The following BRCA2 variants were observed in gnomAD, a reference collection of about 807,000 sequenced individuals.
BRCA2 encodes BRCA2 DNA repair associated.
In BRCA2, 203 loss-of-function variants were observed where a neutral mutation model predicts 276.7. That is an observed-to-expected ratio of 0.73 (90% CI 0.65 to 0.82). The LOEUF is 0.82. Among genes scored for constraint, BRCA2 ranks in the 40% least tolerant of loss-of-function variants. The probability of loss-of-function intolerance (pLI) is 0.00; values close to 1 mark genes in which losing one functional copy is unlikely to be tolerated. For synonymous variants in BRCA2, 1,289 were observed against 1,338.4 expected, an observed-to-expected ratio of 0.96 and a Z score of 0.81; for missense variants, 3,920 against 3,915.0, an observed-to-expected ratio of 1.00 and a Z score of -0.03.
In BRCA2 at chr13:32,340,424, C is replaced by T. The variant is rs2072545456; in HGVS notation, c.6069C>T (p.Asp2023=). ...KVLFKSNEHS[D]QLTREENTAI... ...TGTTTAAAAGTAACGAACATTCAGACCAGCTCACAAGAGAAGAAAATACTG... is the reference window on the plus strand; with the variant it reads ...TGTTTAAAAGTAACGAACATTCAGATCAGCTCACAAGAGAAGAAAATACTG... Residue 2023 remains aspartate (D), a synonymous_variant, in exon 11 of 27, where the codon GAC becomes GAT. Coordinates refer to ENST00000380152, the MANE Select transcript of BRCA2 (RefSeq NM_000059.4). 1 of 1,613,692 alleles carries T rather than the reference C, an allele frequency of 6.2e-7. No homozygotes were observed. Among genetic ancestry groups the T allele is most frequent in the Non-Finnish European group, 8.5e-7 (1 of 1,179,724 alleles).
chr13:32,397,071 T>C (rs2073042431), intron 26 of BRCA2, 27 bp downstream of exon 26: 1 of 1,605,670 alleles, frequency 6.2e-7, no homozygotes, highest in African/African-American at 1.3e-5. Flanking sequence ...TCAAGGAATA[T>C]TATAAGAAGT....
In BRCA2 at chr13:32,357,752, A is replaced by G. The variant is rs431825354; in HGVS notation, c.7628A>G (p.Tyr2543Cys). 1.9e-5 allele frequency: 30 copies of G among 1,612,100 alleles called. No homozygotes were observed. In the South Asian group the frequency reaches 2.2e-4, roughly 12 times the overall value. Residue 2543 changes from tyrosine to cysteine, a missense_variant, in exon 16 of 27, where the codon TAT (tyrosine) becomes TGT (cysteine). Transcript: ENST00000380152. ...SACSHKQLYTYGVSKHCIKIN... is the reference protein window; with the variant it reads ...SACSHKQLYTCGVSKHCIKIN... Reference sequence around the variant, plus strand: ...GTTTATTTTGTGTAGCTGTATACGTATGGCGTTTCTAAACATTGCATAAAA... The same window carrying G: ...GTTTATTTTGTGTAGCTGTATACGTGTGGCGTTTCTAAACATTGCATAAAA...
chr13:32,348,401 T>A (rs2072625387), intron 13 of BRCA2, among the ~76,000 whole-genome samples: 1 of 152,106 alleles, frequency 6.6e-6, no homozygotes, highest in African/African-American at 2.4e-5. Flanking sequence ...CCTTGTGAAT[T>A]TTTAGAATAA....
At position 32,385,702 on chromosome 13, in the gene BRCA2, A is replaced by C. The variant is rs2238163; in HGVS notation, c.9256+5557A>C. ...AAAGCCCACATTTGAGGTTGCCTATATAGAACTGGCAGGAAAGTATATAGA... is the reference window on the plus strand; with the variant it reads ...AAAGCCCACATTTGAGGTTGCCTATCTAGAACTGGCAGGAAAGTATATAGA... On this transcript the variant is annotated intron_variant, in intron 24 of 26. Transcript: ENST00000380152. 0.52 allele frequency: 102,532 copies of C among 195,738 alleles called. 26,918 individuals are homozygous for C. Among genetic ancestry groups the C allele is most frequent in the East Asian group, 0.58 (3,878 of 6,658 alleles). 12.1% of individuals were successfully genotyped at this position (195,738 alleles called of 1,614,324 possible).
intron 20 of BRCA2, among the ~76,000 whole-genome samples, chr13:32,371,987 A>G (rs530759959): frequency 5.9e-5 from 9 of 152,352 alleles, no homozygotes; most frequent in African/African-American, 9.6e-5. Context: ...TCTTTCCTCA[A>G]TGTTGATGCC....
In BRCA2 at chr13:32,339,439, A is replaced by G. The variant is rs397507347; in HGVS notation, c.5084A>G (p.Glu1695Gly). The G allele has an allele frequency of 6.3e-7, 1 of 1,591,548 alleles. No individual in the cohort carries two copies. Among genetic ancestry groups the G allele is most frequent in the Non-Finnish European group, 8.5e-7 (1 of 1,170,568 alleles). ...SLLEAKKWLR[E>G]GIFDGQPERI... is the part of the protein sequence containing the mutation. ...CTTGAAGCAAAAAAATGGCTTAGAGAAGGAATATTTGATGGTCAACCAGAA... is the reference window on the plus strand; with the variant it reads ...CTTGAAGCAAAAAAATGGCTTAGAGGAGGAATATTTGATGGTCAACCAGAA... Residue 1695 changes from glutamate (E) to glycine (G), a missense_variant, in exon 11 of 27, where the codon GAA becomes GGA. Transcript: ENST00000380152.
chr13:32,395,952 C>CTTTT, intron 25 of BRCA2: 1 of 117,204 alleles, frequency 8.5e-6, no homozygotes, highest in Non-Finnish European at 1.5e-5. Context: ...TTCTTTTTTT[C>CTTTT]TTTCTTTCTT....
At chr13:32,347,851 A>G (rs1277894195) in intron 13 of BRCA2, among the ~76,000 whole-genome samples, 1 of 152,216 alleles carries the variant, frequency 6.6e-6, no homozygotes, top group Non-Finnish European at 1.5e-5. Context: ...TTAACTGTTG[A>G]CATGCACAGA....
In BRCA2 at chr13:32,356,483, G is replaced by A. The variant is rs786203092; in HGVS notation, c.7491G>A (p.Lys2497=). 6.2e-6 allele frequency: 10 copies of A among 1,614,146 alleles called. No individual in the cohort carries two copies. The Middle Eastern group carries it at 1.2e-3, about 186-fold the overall frequency. ...ATATACAGGATATGCGAATTAAGAA[G>A]AAACAAAGGCAACGCGTCTTTCCAC... ...ARDIQDMRIK[K]KQRQRVFPQP... is the part of the protein sequence containing the mutation. Residue 2497 remains lysine (K), a synonymous_variant, in exon 15 of 27, where the codon AAG becomes AAA. Coordinates refer to ENST00000380152, the MANE Select transcript of BRCA2 (RefSeq NM_000059.4).
chr13:32,392,303 C>T (rs2073002267), intron 24 of BRCA2, among the ~76,000 whole-genome samples: 1 of 152,200 alleles, frequency 6.6e-6, no homozygotes, highest in Admixed American at 6.5e-5. Flanking sequence ...CTTAGTGCCT[C>T]TTCCAACTCC....
Position 32,339,239 on chromosome 13 carries a change from A to G in BRCA2, c.4884A>G (p.Lys1628=), listed in dbSNP as rs2072514968. 6.2e-7 allele frequency: 1 copy of G among 1,613,322 alleles called. No homozygotes were observed. Among genetic ancestry groups the G allele is most frequent in the East Asian group, 2.2e-5 (1 of 44,874 alleles). ...DNLCRQTENL[K]TSKSIFLKVK... ...TATGTAGACAAACTGAAAATCTCAA[A>G]ACATCAAAAAGTATCTTTTTGAAAG... Residue 1628 remains lysine, a synonymous_variant, in exon 11 of 27, where the codon AAA becomes AAG. Transcript: ENST00000380152.
At chr13:32,353,362 A>C (rs934967413) in intron 13 of BRCA2, among the ~76,000 whole-genome samples, 4 of 152,186 alleles carry the variant, frequency 2.6e-5, no homozygotes, top group Non-Finnish European at 5.9e-5. Context: ...CTCAATACAC[A>C]GTGAATTCTC....
In BRCA2 at chr13:32,355,164, T is replaced by A. The variant is rs1131692103; in HGVS notation, c.7311T>A (p.Ile2437=). 1.2e-6 allele frequency: 2 copies of A among 1,613,892 alleles called. No individual in the cohort carries two copies. The highest frequency in any genetic ancestry group is 1.7e-6 in the Non-Finnish European group (2 of 1,179,874). ...AGGAAAACAGACAAAAGCAAAACATTGATGGACATGGCTCTGATGATAGTA... is the reference window on the plus strand; with the variant it reads ...AGGAAAACAGACAAAAGCAAAACATAGATGGACATGGCTCTGATGATAGTA... The part of the protein sequence containing the change: ...NLEENRQKQN[I]DGHGSDDSKN... Residue 2437 remains isoleucine, a synonymous_variant, in exon 14 of 27, where the codon ATT becomes ATA. Transcript: ENST00000380152.
intron 16 of BRCA2, among the ~76,000 whole-genome samples, chr13:32,360,609 C>T (rs192547021): frequency 2.0e-5 from 3 of 152,304 alleles, no homozygotes; most frequent in Non-Finnish European, 2.9e-5. Context: ...CCACCCTCCT[C>T]GGCCTCCCAA....
At chr13:32,333,853 T>C (rs185144312) in intron 10 of BRCA2, among the ~76,000 whole-genome samples, 97 of 152,308 alleles carry the variant, frequency 6.4e-4, no homozygotes, top group Non-Finnish European at 1.0e-4. Flanking sequence ...CTCCCACTTA[T>C]GAGTGAGAAC....
intron 20 of BRCA2, among the ~76,000 whole-genome samples, chr13:32,375,900 A>T (rs1028922741): frequency 1.3e-5 from 2 of 151,692 alleles, no homozygotes; most frequent in African/African-American, 4.8e-5. Flanking sequence ...AGTTGAAATG[A>T]CTCCATGATC....
rs181176701 is a variant in BRCA2 at position 32,362,728 on chromosome 13, C to A, written c.7976+35C>A. 1.8e-4 allele frequency: 290 copies of A among 1,607,822 alleles called. 1 individual carries two copies. The Middle Eastern group carries it at 7.1e-3, about 39-fold the overall frequency. ...AAGCATTACATTACGTAATCATATA[C>A]GGCAGTATGGTTAAGGTTTCTGTGT... On this transcript the variant is annotated intron_variant, in intron 17 of 26. Transcript: ENST00000380152.
rs730881591 is a variant in BRCA2 at position 32,340,055 on chromosome 13, A to C, written c.5700A>C (p.Ser1900=). ...GTTGTTACGAGGCATTGGATGATTC[A>C]GAGGATATTCTTCATAACTCTCTAG... ...MAGCYEALDD[S]EDILHNSLDN... The change falls in exon 11 of 27, where the codon TCA becomes TCC. Residue 1900 remains serine (S), a synonymous_variant. Coordinates refer to ENST00000380152, the MANE Select transcript of BRCA2 (RefSeq NM_000059.4). 1 of 1,613,806 alleles carries C rather than the reference A, an allele frequency of 6.2e-7. No individual in the cohort carries two copies. The highest frequency in any genetic ancestry group is 1.1e-5 in the South Asian group (1 of 91,058).
At position 32,379,370 on chromosome 13, in the gene BRCA2, G is replaced by C. The variant is rs80359138; in HGVS notation, c.8808G>C (p.Leu2936Phe). Residue 2936 changes from leucine to phenylalanine, a missense_variant, in exon 22 of 27, where the codon TTG (leucine) becomes TTC (phenylalanine). Coordinates refer to ENST00000380152, the MANE Select transcript of BRCA2 (RefSeq NM_000059.4). The stretch of plus-strand genomic sequence containing the variant: ...CCTTGAATAATCACAGGCAAATGTT[G>C]AATGATAAGAAACAAGCTCAGATCC... ...LRALNNHRQM[L>F]NDKKQAQIQL... is the part of the protein sequence containing the mutation. 6.2e-7 allele frequency: 1 copy of C among 1,613,800 alleles called. No individual in the cohort carries two copies. Among genetic ancestry groups the C allele is most frequent in the Admixed American group, 1.7e-5 (1 of 59,996 alleles).
Sources: allele counts gnomAD v4.1 joint callset (sites outside exome capture counted in the v4.1 genomes callset), GRCh38; gene constraint gnomAD v4.1.1; transcripts MANE v1.5; gene names NCBI Gene and HGNC (gene_info 2026-07-23, HGNC 2026-07-21).